PRIMA1: variants seen among roughly 807,000 people sequenced by gnomAD.
The protein encoded by PRIMA1 is proline rich membrane anchor 1.
PRIMA1 carries 7 observed loss-of-function variants against 17.5 expected under a neutral mutation model. The observed-to-expected ratio is 0.40, with a 90% confidence interval of 0.23 to 0.75. The LOEUF (loss-of-function observed/expected upper bound fraction) is 0.75. Among genes scored for constraint, PRIMA1 ranks in the 30% least tolerant of loss-of-function variants. The pLI is 0.37. For synonymous variants in PRIMA1, 97 were observed against 77.9 expected, an observed-to-expected ratio of 1.25 and a Z score of -1.29; for missense variants, 200 against 201.8, an observed-to-expected ratio of 0.99 and a Z score of 0.05.
Position 93,739,753 on chromosome 14 carries a change from G to A in PRIMA1, c.230-2383C>T, listed in dbSNP as rs116049132. On this transcript the variant is annotated intron_variant, in intron 3 of 4. Transcript: ENST00000393140. ...GCAAGGTGCCTAGGAGTGAGCCTCA[G>A]GTGTCACAGAGACCAAGTCGAATCA... Among the ~76,000 whole-genome samples, 545 of 152,266 alleles carry A rather than the reference G, an allele frequency of 3.6e-3. 5 individuals carry two copies. The highest frequency in any genetic ancestry group is 0.013 in the African/African-American group (523 of 41,544).
rs576686980 is a variant in PRIMA1, at chr14:93,756,012, G to A, written c.230-18642C>T. Among the ~76,000 whole-genome samples, 116 of 152,198 alleles carry A rather than the reference G, an allele frequency of 7.6e-4. No individual in the cohort carries two copies. In the Middle Eastern group the frequency reaches 0.017, roughly 22 times the overall value. On this transcript the variant is annotated intron_variant, in intron 3 of 4. Coordinates refer to ENST00000393140, the MANE Select transcript of PRIMA1 (RefSeq NM_178013.4). ...TCTCCTTCTCTCCCTCCCTAGCCTC[G>A]TGCTGTCTGCAATCCAGGTTGAGAG...
intron 3 of PRIMA1, among the ~76,000 whole-genome samples, chr14:93,760,512 A>G (rs750602666): frequency 5.3e-5 from 8 of 151,894 alleles, no homozygotes; most frequent in African/African-American, 1.9e-4. Context: ...TCGGAGGCAG[A>G]GTTTAGTGCC....
chr14:93,758,587 A>G (rs2141177856), intron 3 of PRIMA1, among the ~76,000 whole-genome samples: 1 of 139,386 alleles, frequency 7.2e-6, no homozygotes, highest in East Asian at 2.0e-4. Flanking sequence ...CAACAGAGCA[A>G]GACTCTCAAA....
Position 93,787,614 on chromosome 14 carries a change from G to C in PRIMA1, c.93+12C>G, listed in dbSNP as rs920430832. The C allele has an allele frequency of 3.5e-5, 54 of 1,539,994 alleles. No homozygotes were observed. The highest frequency in any genetic ancestry group is 4.4e-5 in the Non-Finnish European group (51 of 1,146,772). ...AGGCCCTCCCAGCCAGTGCGCAGCC[G>C]GCGCGTCTCACCTGCACGAAGCCCC... On this transcript the variant is annotated intron_variant, in intron 2 of 4. Coordinates refer to ENST00000393140, the MANE Select transcript of PRIMA1 (RefSeq NM_178013.4).
intron 4 of PRIMA1, among the ~76,000 whole-genome samples, chr14:93,727,720 CAT>C: frequency 6.6e-6 from 1 of 151,932 alleles, no homozygotes; most frequent in African/African-American, 2.4e-5. Flanking sequence ...CAGGCAGACA[CAT>C]GTGGGCATGC....
intron 4 of PRIMA1, among the ~76,000 whole-genome samples, chr14:93,725,061 A>C (rs1370423254): frequency 6.6e-6 from 1 of 152,118 alleles, no homozygotes; most frequent in East Asian, 1.9e-4. Flanking sequence ...GGTGGCTCGG[A>C]AGAGCTAAGC....
rs1289951815 is a variant in PRIMA1 at position 93,718,459 on chromosome 14, G to A, written c.*2985C>T. The A allele has an allele frequency of 6.6e-6, 1 of 152,530 alleles. No individual in the cohort carries two copies. 9.4% of individuals were successfully genotyped at this position (152,530 alleles called of 1,614,324 possible). A position where few individuals can be genotyped will look rare whatever the true frequency, so the allele number is the denominator to read the frequency against. On this transcript the variant is annotated 3_prime_UTR_variant, in exon 5 of 5. Transcript: ENST00000393140. ...TTGGTGGATAAGACGGCATCAACTT[G>A]TACATTTGCCCATTGAGAGAACTCC...
At chr14:93,736,452 T>C (rs2076150748) in intron 4 of PRIMA1, among the ~76,000 whole-genome samples, 1 of 152,162 alleles carries the variant, frequency 6.6e-6, no homozygotes. Context: ...TTTATCAGTG[T>C]TTTTGGAGAC....
chr14:93,783,730 G>A (rs551372404), intron 2 of PRIMA1, among the ~76,000 whole-genome samples: 18 of 152,330 alleles, frequency 1.2e-4, no homozygotes, highest in Non-Finnish European at 2.1e-4. Flanking sequence ...TCTGCAGCCA[G>A]AATCCTGTAA....
chr14:93,758,524 G>C (rs1290431695), intron 3 of PRIMA1, among the ~76,000 whole-genome samples: 1 of 150,622 alleles, frequency 6.6e-6, no homozygotes, highest in Non-Finnish European at 1.5e-5. Flanking sequence ...GCTTGAACCT[G>C]GGAGGTGGAG....
intron 2 of PRIMA1, among the ~76,000 whole-genome samples, chr14:93,783,166 G>C: frequency 6.6e-6 from 1 of 152,254 alleles, no homozygotes. Flanking sequence ...GTCTTAGGGC[G>C]GGCAGGTAGA....
At chr14:93,738,000 G>C (rs997713241) in intron 3 of PRIMA1, among the ~76,000 whole-genome samples, 3 of 152,248 alleles carry the variant, frequency 2.0e-5, no homozygotes, top group African/African-American at 7.2e-5. Flanking sequence ...GGAAAGAAAG[G>C]GAGGACTGCC....
intron 4 of PRIMA1, among the ~76,000 whole-genome samples, chr14:93,723,113 G>A (rs1185899535): frequency 6.6e-6 from 1 of 152,044 alleles, no homozygotes; most frequent in African/African-American, 2.4e-5. Context: ...CCCCCAGCCT[G>A]AGTGTCTGTA....
At chr14:93,776,423 T>G (rs1367422871) in intron 3 of PRIMA1, among the ~76,000 whole-genome samples, 1 of 152,148 alleles carries the variant, frequency 6.6e-6, no homozygotes, top group African/African-American at 2.4e-5. Flanking sequence ...AGCACTCTCC[T>G]CTAGCCTCCT....
chr14:93,727,374 C>T lies in PRIMA1; in HGVS notation c.360-5828G>A, dbSNP rs572194051. Among the ~76,000 whole-genome samples the T allele has an allele frequency of 7.2e-5, 11 of 152,326 alleles. No homozygotes were observed. The South Asian group carries it at 2.3e-3, about 32-fold the overall frequency. ...ATTTGATCTAGGGCAGAGCCCTTCC[C>T]AGCCCGGAGGCTGAAGAAAGGATTG... On this transcript the variant is annotated intron_variant, in intron 4 of 4. Coordinates refer to ENST00000393140, the MANE Select transcript of PRIMA1 (RefSeq NM_178013.4).
chr14:93,739,709 C>G (rs779879508), intron 3 of PRIMA1, among the ~76,000 whole-genome samples: 1 of 152,090 alleles, frequency 6.6e-6, no homozygotes, highest in Non-Finnish European at 1.5e-5. Flanking sequence ...GAACCAGCAC[C>G]GAAACCCCAC....
chr14:93,736,646 C>T (rs1407226780), intron 4 of PRIMA1, among the ~76,000 whole-genome samples: 1 of 152,234 alleles, frequency 6.6e-6, no homozygotes, highest in African/African-American at 2.4e-5. Flanking sequence ...TCTGTGGCCC[C>T]CCATCCTGTG....
intron 2 of PRIMA1, among the ~76,000 whole-genome samples, chr14:93,781,734 G>C (rs1010896580): frequency 1.3e-5 from 2 of 152,194 alleles, no homozygotes; most frequent in African/African-American, 4.8e-5. Flanking sequence ...CAGCACTTTG[G>C]GAGGCCAAGG....
chr14:93,754,895 C>T (rs549433018), intron 3 of PRIMA1, among the ~76,000 whole-genome samples: 63 of 152,224 alleles, frequency 4.1e-4, no homozygotes, highest in African/African-American at 1.4e-3. Flanking sequence ...GCTTCAGAAA[C>T]CAGCCACGTC....
Sources: allele counts gnomAD v4.1 joint callset (sites outside exome capture counted in the v4.1 genomes callset), GRCh38; gene constraint gnomAD v4.1.1; transcripts MANE v1.5; gene names NCBI Gene and HGNC (gene_info 2026-07-23, HGNC 2026-07-21).